The following EXOC2 variants were observed in gnomAD, a reference collection of about 807,000 sequenced individuals.
EXOC2 encodes SEC5-like 1.
EXOC2 carries 70 observed loss-of-function variants against 131.8 expected under a neutral mutation model. That is an observed-to-expected ratio of 0.53 (90% CI 0.44 to 0.65). The LOEUF (loss-of-function observed/expected upper bound fraction) is 0.65, where lower values mean the gene tolerates loss of function less well. Ranked by LOEUF, EXOC2 falls within the 30% of genes least tolerant of loss-of-function variation. The pLI, the probability that EXOC2 is intolerant of heterozygous loss-of-function variation, is 0.00. For synonymous variants in EXOC2, 411 were observed against 398.4 expected, an observed-to-expected ratio of 1.03 and a Z score of -0.38; for missense variants, 923 against 1,108.6, an observed-to-expected ratio of 0.83 and a Z score of 2.38.
intron 4 of EXOC2, among the ~76,000 whole-genome samples, chr6:628,817 T>C (rs1240548617): frequency 6.6e-6 from 1 of 152,166 alleles, no homozygotes; most frequent in Non-Finnish European, 1.5e-5. Flanking sequence ...CATTATTTTC[T>C]AAACCTTCTC....
chr6:651,656 AAAATAAAT>A (rs55863606), intron 1 of EXOC2, among the ~76,000 whole-genome samples: 1 of 147,014 alleles, frequency 6.8e-6, no homozygotes, highest in Non-Finnish European at 1.5e-5. Flanking sequence ...CCGTCTCAGA[AAAATAAAT>A]AAATAAATAA....
chr6:507,939 C>T (rs1764653386), intron 23 of EXOC2, among the ~76,000 whole-genome samples: 2 of 152,296 alleles, frequency 1.3e-5, no homozygotes, highest in African/African-American at 2.4e-5. Context: ...ATTAAATGCT[C>T]ATTGTAAAGA....
At chr6:669,883 T>G (rs1337184359) in intron 1 of EXOC2, 1 of 152,304 alleles carries the variant, frequency 6.6e-6, no homozygotes, top group Non-Finnish European at 1.5e-5. Context: ...ATAGCCCACA[T>G]TTATCCATGG....
At chr6:486,818 C>T (rs371796750) in intron 27 of EXOC2, 54 bp from the exon 28 acceptor site, 54 of 1,416,272 alleles carry the variant, frequency 3.8e-5, no homozygotes, top group Admixed American at 3.1e-4. Flanking sequence ...GGCCTAGCAA[C>T]GCAAGAAAAC....
chr6:525,001 C>G (rs904737693), intron 23 of EXOC2: 1 of 152,264 alleles, frequency 6.6e-6, no homozygotes, highest in Non-Finnish European at 1.5e-5. Context: ...TGCAAGGGTT[C>G]AAGCGCCCCC....
intron 10 of EXOC2, among the ~76,000 whole-genome samples, chr6:597,326 A>G (rs1759874599): frequency 6.6e-6 from 1 of 151,938 alleles, no homozygotes; most frequent in South Asian, 2.1e-4. Context: ...ACAGGCGCAC[A>G]TCACCATGCC....
intron 1 of EXOC2, among the ~76,000 whole-genome samples, chr6:674,992 T>A (rs932805488): frequency 3.3e-5 from 5 of 152,100 alleles, no homozygotes; most frequent in African/African-American, 1.2e-4. Flanking sequence ...CTAAACTTGC[T>A]CAGCTTGCCT....
Position 506,784 on chromosome 6 carries a change from C to T in EXOC2, c.2381-7084G>A, listed in dbSNP as rs1319304066. ...TGTAGGCTGTTTCCTGTAAGCCAGC[C>T]GGTGTAACCCAGCATATTCTCCAGC... On this transcript the variant is annotated intron_variant, in intron 23 of 27. Transcript: ENST00000230449. The surrounding 1 kb of genome is among the most constrained non-coding windows in gnomAD (Gnocchi z 4.4). 6.6e-6 allele frequency among the ~76,000 whole-genome samples: 1 copy of T among 152,032 alleles called. No individual in the cohort carries two copies. Among genetic ancestry groups the T allele is most frequent in the East Asian group, 1.9e-4 (1 of 5,184 alleles).
intron 1 of EXOC2, among the ~76,000 whole-genome samples, chr6:682,205 T>TC (rs1764437693): frequency 1.3e-5 from 2 of 150,874 alleles, no homozygotes; most frequent in Non-Finnish European, 3.0e-5. Context: ...GTTTCTTTTT[T>TC]TTTTTTTTTT....
At chr6:540,038 C>T (rs909325469) in intron 22 of EXOC2, among the ~76,000 whole-genome samples, 2 of 152,214 alleles carry the variant, frequency 1.3e-5, no homozygotes, top group Non-Finnish European at 2.9e-5. Context: ...TATACTGTCA[C>T]CTGAAACAGA....
chr6:627,428 T>G (rs1761632632), intron 4 of EXOC2, among the ~76,000 whole-genome samples: 1 of 152,248 alleles, frequency 6.6e-6, no homozygotes, highest in Non-Finnish European at 1.5e-5. Flanking sequence ...GACAGAAGGA[T>G]GACTGGATGT....
rs564241750 is a variant in EXOC2, at chr6:671,153, T to C, written c.-44+21866A>G. Among the ~76,000 whole-genome samples the C allele has an allele frequency of 1.5e-3, 226 of 151,264 alleles. 1 individual carries two copies. The highest frequency in any genetic ancestry group is 2.8e-3 in the Non-Finnish European group (190 of 67,902). On this transcript the variant is annotated intron_variant, in intron 1 of 27. Coordinates refer to ENST00000230449, the MANE Select transcript of EXOC2 (RefSeq NM_018303.6). ...AGGCAAATCACTTGAGGTCAGGAGT[T>C]AGAGACCAGTCTGGCCAACATGGCA...
At chr6:687,168 A>ATTTTTTT (rs1292769233) in intron 1 of EXOC2, among the ~76,000 whole-genome samples, 7 of 40,696 alleles carry the variant, frequency 1.7e-4, no homozygotes, top group African/African-American at 2.0e-4. Context: ...ATCAAATAAT[A>ATTTTTTT]TTCTTTTTTT....
chr6:673,871 T>C (rs1318144019), intron 1 of EXOC2, among the ~76,000 whole-genome samples: 2 of 152,142 alleles, frequency 1.3e-5, no homozygotes, highest in Admixed American at 6.5e-5. Flanking sequence ...AAAATGATGC[T>C]GAGACACTTG....
rs1283863684 is a variant in EXOC2, at chr6:619,543, T to C, written c.423A>G (p.Lys141=). The change falls in exon 5 of 28, where the codon AAA becomes AAG. Residue 141 remains lysine, a splice_region_variant and synonymous_variant. Coordinates refer to ENST00000230449, the MANE Select transcript of EXOC2 (RefSeq NM_018303.6). ...CTAAGTCCTTCTGCGAAAATTTACT[T>C]CTGAGGGGAAAAAACGTTTAAAATA... is the stretch of plus-strand genomic sequence containing the variant. ...PANPLGIEIE[K]SKFSQKDLEM... is the part of the protein sequence containing the mutation. 6.2e-7 allele frequency: 1 copy of C among 1,608,256 alleles called. No individual in the cohort carries two copies. Among genetic ancestry groups the C allele is most frequent in the East Asian group, 2.2e-5 (1 of 44,848 alleles).
chr6:675,584 GCC>G (rs1379018623), intron 1 of EXOC2, among the ~76,000 whole-genome samples: 2,807 of 47,706 alleles, frequency 0.059, 1,146 homozygotes, highest in East Asian at 0.22. Context: ...GGAAAGGACA[GCC>G]TCCTCTGGCA....
At chr6:629,793 G>C (rs895136728) in intron 4 of EXOC2, 42 bp downstream of exon 4, 3 of 1,603,460 alleles carry the variant, frequency 1.9e-6, no homozygotes, top group Non-Finnish European at 2.6e-6. Flanking sequence ...AACTTTTCAG[G>C]AACTGAAAAA....
chr6:656,465 C>A, intron 1 of EXOC2: 1 of 1,612,338 alleles, frequency 6.2e-7, no homozygotes, highest in Non-Finnish European at 8.5e-7. Context: ...TCCTCCAGCG[C>A]GGCAGGCGGA....
At chr6:526,766 T>C (rs1765773429) in intron 23 of EXOC2, among the ~76,000 whole-genome samples, 1 of 152,146 alleles carries the variant, frequency 6.6e-6, no homozygotes, top group Non-Finnish European at 1.5e-5. Flanking sequence ...TGGAGGCTGT[T>C]TATTGTCTAG....
Sources: gnomAD v4.1 joint callset for allele counts (sites outside exome capture counted in the v4.1 genomes callset) on GRCh38, gnomAD v4.1.1 for gene constraint, Gnocchi (gnomAD v3.1) non-coding constraint, MANE v1.5 for transcripts, NCBI Gene and HGNC (gene_info 2026-07-23, HGNC 2026-07-21) for gene names.